Variants in KHDRBS2 observed in about 807,000 individuals in gnomAD.
KHDRBS2 encodes the protein KH RNA binding domain containing, signal transduction associated 2.
KHDRBS2 carries 26 observed loss-of-function variants against 44.3 expected under a neutral mutation model. That is an observed-to-expected ratio of 0.59 (90% confidence interval 0.43 to 0.81). The LOEUF is 0.81. Among genes scored for constraint, KHDRBS2 ranks in the 40% least tolerant of loss-of-function variants. The pLI, the probability that KHDRBS2 is intolerant of heterozygous loss-of-function variation, is 0.00. For missense variants in KHDRBS2, 476 were observed against 433.1 expected, an observed-to-expected ratio of 1.10 and a Z score of -0.88; for synonymous variants, 194 against 151.1, an observed-to-expected ratio of 1.28 and a Z score of -2.08.
At chr6:61,751,943 C>G (rs1582605766) in intron 6 of KHDRBS2, among the ~76,000 whole-genome samples, 1 of 151,014 alleles carries the variant, frequency 6.6e-6, no homozygotes, top group Admixed American at 6.6e-5. Flanking sequence ...ACACACTTCT[C>G]TGTGTGTGTG....
At chr6:62,134,245 C>T (rs1287479217) in intron 2 of KHDRBS2, among the ~76,000 whole-genome samples, 3 of 152,158 alleles carry the variant, frequency 2.0e-5, no homozygotes, top group Admixed American at 1.3e-4. Context: ...GTCTCCGCTG[C>T]TCTAGCCATA....
At chr6:61,654,764 A>T in the KHDRBS2 span, among the ~76,000 whole-genome samples, 3 of 151,496 alleles carry the variant, frequency 2.0e-5, no homozygotes, top group Non-Finnish European at 1.5e-5. Context: ...CAGGACAAGA[A>T]GATGCTTCTA....
chr6:61,555,797 G>A, the KHDRBS2 span, among the ~76,000 whole-genome samples: 1 of 152,178 alleles, frequency 6.6e-6, no homozygotes, highest in Non-Finnish European at 1.5e-5. Flanking sequence ...GCAAGGCTCA[G>A]ATCAACACTC....
intron 4 of KHDRBS2, among the ~76,000 whole-genome samples, chr6:61,926,008 A>G (rs1808903014): frequency 6.6e-6 from 1 of 152,170 alleles, no homozygotes; most frequent in Non-Finnish European, 1.5e-5. Context: ...CGACATTGAG[A>G]TAAAATGTAT....
chr6:61,993,674 T>TATA (rs58974944), intron 3 of KHDRBS2, among the ~76,000 whole-genome samples: 8 of 84,326 alleles, frequency 9.5e-5, no homozygotes, highest in African/African-American at 2.7e-4. Context: ...TATATATATA[T>TATA]TTTTTTTTTT....
chr6:61,804,208 C>T (rs1431003732), intron 6 of KHDRBS2, among the ~76,000 whole-genome samples: 5 of 152,122 alleles, frequency 3.3e-5, no homozygotes, highest in Non-Finnish European at 7.4e-5. Context: ...CTACCGGCCC[C>T]TTGCAAGTCT....
the KHDRBS2 span, among the ~76,000 whole-genome samples, chr6:61,667,021 T>C: frequency 6.7e-6 from 1 of 148,382 alleles, no homozygotes; most frequent in African/African-American, 2.5e-5. Flanking sequence ...AAAAGAAGGA[T>C]TCTTGGTTGA....
rs1765006294 is a variant in KHDRBS2 at position 61,952,636 on chromosome 6, C to T, written c.483+25430G>A. Among the ~76,000 whole-genome samples the T allele has an allele frequency of 2.0e-5, 3 of 152,116 alleles. No individual in the cohort carries two copies. The South Asian group carries it at 6.2e-4, about 32-fold the overall frequency. On this transcript the variant is annotated intron_variant, in intron 4 of 8. Coordinates refer to ENST00000281156, the MANE Select transcript of KHDRBS2 (RefSeq NM_152688.4). ...TATGACTCACATCTATCTTCCCTTA[C>T]TCCACTCACTGTAGCTTCAAGCCAA...
Position 61,689,180 on chromosome 6 carries a change from C to A in KHDRBS2, c.952+8015G>T, listed in dbSNP as rs546805092. Among the ~76,000 whole-genome samples the A allele has an allele frequency of 4.0e-5, 6 of 151,896 alleles. No homozygotes were observed. The East Asian group carries it at 5.9e-4, about 15-fold the overall frequency. ...TGACGTGCCAGGAGGATAATGTGAC[C>A]CAGCAGCTGTCAGAACCTTCATGTT... On this transcript the variant is annotated intron_variant, in intron 8 of 8. Transcript: ENST00000281156.
At chr6:62,275,618 T>C (rs1423016006) in intron 1 of KHDRBS2, among the ~76,000 whole-genome samples, 2 of 152,314 alleles carry the variant, frequency 1.3e-5, no homozygotes, top group South Asian at 2.1e-4. Flanking sequence ...TGGAGAAAAT[T>C]ATTTTAAAGG....
intron 1 of KHDRBS2, among the ~76,000 whole-genome samples, chr6:62,222,802 C>T (rs1301604202): frequency 1.3e-5 from 2 of 152,204 alleles, no homozygotes; most frequent in South Asian, 2.1e-4. Context: ...AAAATAATCT[C>T]CTTTGAGTCC....
At chr6:61,562,728 C>T in the KHDRBS2 span, among the ~76,000 whole-genome samples, 1 of 152,030 alleles carries the variant, frequency 6.6e-6, no homozygotes, top group Non-Finnish European at 1.5e-5. Context: ...GTACCTTGGT[C>T]CAAAACACGA....
At chr6:61,724,070 G>C (rs969752721) in intron 7 of KHDRBS2, among the ~76,000 whole-genome samples, 2 of 152,138 alleles carry the variant, frequency 1.3e-5, no homozygotes, top group Non-Finnish European at 2.9e-5. Context: ...CAGAGAGAAA[G>C]ACCAGGTCAC....
In KHDRBS2 at chr6:62,065,721, C is replaced by A. The variant is rs1367253081; in HGVS notation, c.220-17727G>T. On this transcript the variant is annotated intron_variant, in intron 2 of 8. Coordinates refer to ENST00000281156, the MANE Select transcript of KHDRBS2 (RefSeq NM_152688.4). ...GTGGGTGCAGCGCACCAGCATGGCA[C>A]ATGTATACATATGTAACTAACCTGC... Among the ~76,000 whole-genome samples the A allele has an allele frequency of 2.0e-4, 29 of 146,874 alleles. 1 individual carries two copies. Among genetic ancestry groups the A allele is most frequent in the Admixed American group, 1.8e-3 (27 of 14,656 alleles).
chr6:62,267,590 G>T (rs1194171292), intron 1 of KHDRBS2, among the ~76,000 whole-genome samples: 1 of 151,970 alleles, frequency 6.6e-6, no homozygotes, highest in Admixed American at 6.6e-5. Context: ...AATAGAAAGT[G>T]GAGCACGTAA....
intron 3 of KHDRBS2, among the ~76,000 whole-genome samples, chr6:62,025,684 C>T (rs1350694610): frequency 6.6e-6 from 1 of 151,728 alleles, no homozygotes; most frequent in Non-Finnish European, 1.5e-5. Flanking sequence ...GGTGCACGCA[C>T]TGTGGTTGGT....
intron 4 of KHDRBS2, among the ~76,000 whole-genome samples, chr6:61,919,071 G>C (rs1012793388): frequency 6.6e-6 from 1 of 151,772 alleles, no homozygotes; most frequent in African/African-American, 2.4e-5. Context: ...ACTATATGGC[G>C]AGCTTCTAGG....
chr6:61,941,657 G>A (rs527808630), intron 4 of KHDRBS2, among the ~76,000 whole-genome samples: 2 of 152,156 alleles, frequency 1.3e-5, no homozygotes, highest in East Asian at 3.9e-4. Flanking sequence ...CGTGGATGCT[G>A]TTCACAGCTG....
chr6:61,730,246 C>A (rs1393197856), intron 7 of KHDRBS2, among the ~76,000 whole-genome samples: 2 of 152,092 alleles, frequency 1.3e-5, no homozygotes, highest in African/African-American at 4.8e-5. Context: ...GGTATCACTG[C>A]AACTAATTTC....
Sources: allele counts gnomAD v4.1 joint callset (sites outside exome capture counted in the v4.1 genomes callset), GRCh38; gene constraint gnomAD v4.1.1; transcripts MANE v1.5; gene names NCBI Gene and HGNC (gene_info 2026-07-23, HGNC 2026-07-21).